The following ALOX5AP variants were observed in gnomAD, a reference collection of about 807,000 sequenced individuals.
ALOX5AP encodes arachidonate 5-lipoxygenase activating protein, also known as arachidonate 5-lipoxygenase-activating protein.
Under a neutral mutation model 18.5 loss-of-function variants are expected in ALOX5AP, and 9 were observed. The ratio of observed to expected loss-of-function variants is 0.49; its 90% CI spans 0.29 to 0.85. The LOEUF (loss-of-function observed/expected upper bound fraction) is 0.85, where lower values mean the gene tolerates loss of function less well. ALOX5AP is among the 40% of genes least tolerant of loss of function. ALOX5AP has a pLI of 0.08. For missense variants in ALOX5AP, 172 were observed against 202.5 expected (o/e 0.85, Z 0.91); for synonymous variants, 81 against 78.6 (o/e 1.03, Z -0.16).
chr13:30,731,253 G>A (rs1377377995), upstream of ALOX5AP, among the ~76,000 whole-genome samples: 1 of 152,160 alleles, frequency 6.6e-6, no homozygotes, highest in Non-Finnish European at 1.5e-5. Flanking sequence ...GGGAGCCCAG[G>A]TTCTGAAGAC....
At chr13:30,754,933 G>A (rs1177854617) in intron 3 of ALOX5AP, among the ~76,000 whole-genome samples, 5 of 152,330 alleles carry the variant, frequency 3.3e-5, no homozygotes, top group South Asian at 4.1e-4. Flanking sequence ...GGAGCACTGC[G>A]GCAGGTGAAA....
At chr13:30,719,930 C>T (rs984134188) in intron 1 of ALOX5AP, among the ~76,000 whole-genome samples, 5 of 151,598 alleles carry the variant, frequency 3.3e-5, no homozygotes, top group African/African-American at 1.2e-4. Flanking sequence ...GGCGTGATCT[C>T]GGCTCACTGC....
chr13:30,732,349 T>C (rs1951688309), upstream of ALOX5AP, among the ~76,000 whole-genome samples: 1 of 152,138 alleles, frequency 6.6e-6, no homozygotes, highest in African/African-American at 2.4e-5. Context: ...TCCCCGTGGG[T>C]GCTGTTTTCA....
At chr13:30,751,934 T>G in intron 2 of ALOX5AP, 118 bp from the exon 3 acceptor site, 1 of 980,932 alleles carries the variant, frequency 1.0e-6, no homozygotes. Flanking sequence ...GAATTACGAA[T>G]GGGATTTATG....
At chr13:30,749,456 A>G (rs1318475279) in intron 2 of ALOX5AP, among the ~76,000 whole-genome samples, 1 of 152,214 alleles carries the variant, frequency 6.6e-6, no homozygotes, top group Non-Finnish European at 1.5e-5. Flanking sequence ...TTTTTTCTCT[A>G]AGTTTCTTGA....
Position 30,764,106 on chromosome 13 carries a change from ACTCT to A in ALOX5AP, c.*3_*6del. 1 of 1,613,202 alleles carries A rather than the reference ACTCT, an allele frequency of 6.2e-7. No individual in the cohort carries two copies. Among genetic ancestry groups the A allele is most frequent in the Non-Finnish European group, 8.5e-7 (1 of 1,179,640 alleles). On this transcript the variant is annotated 3_prime_UTR_variant, in exon 5 of 5. Coordinates refer to ENST00000380490, the MANE Select transcript of ALOX5AP (RefSeq NM_001629.4). Reference sequence around the variant, plus strand: ...TCTCCCCTCTACTTCTCATTCCCTAACTCTCTGCTGAATATGGGGTTGGTGTTCT... The same window carrying A: ...TCTCCCCTCTACTTCTCATTCCCTAACTGCTGAATATGGGGTTGGTGTTCT...
chr13:30,747,861 G>A (rs750177086), intron 2 of ALOX5AP, among the ~76,000 whole-genome samples: 15 of 152,058 alleles, frequency 9.9e-5, no homozygotes, highest in East Asian at 1.9e-4. Flanking sequence ...CCCTCATGTC[G>A]CTTCTCCCTG....
At chr13:30,734,550 T>C (rs1449074834), upstream of ALOX5AP, among the ~76,000 whole-genome samples, 3 of 152,208 alleles carry the variant, frequency 2.0e-5, no homozygotes, top group Non-Finnish European at 4.4e-5. Flanking sequence ...CACACTGATC[T>C]GAGCTGCAGA....
intron 3 of ALOX5AP, among the ~76,000 whole-genome samples, chr13:30,754,691 G>A (rs886627355): frequency 3.9e-5 from 6 of 152,192 alleles, no homozygotes; most frequent in African/African-American, 7.2e-5. Flanking sequence ...CAAATTCCAC[G>A]CCTTCACTGG....
At chr13:30,723,424 C>T (rs1462239983) in intron 1 of ALOX5AP, among the ~76,000 whole-genome samples, 1 of 152,164 alleles carries the variant, frequency 6.6e-6, no homozygotes, top group Non-Finnish European at 1.5e-5. Context: ...ACCTTAGAGT[C>T]ACAGATGAAT....
At chr13:30,722,150 C>T (rs990232237) in intron 1 of ALOX5AP, among the ~76,000 whole-genome samples, 9 of 152,218 alleles carry the variant, frequency 5.9e-5, no homozygotes, top group African/African-American at 1.7e-4. Flanking sequence ...CAAGAAAGCT[C>T]GTTGAAGACA....
chr13:30,749,365 T>A (rs1253986377), intron 2 of ALOX5AP, among the ~76,000 whole-genome samples: 1 of 152,174 alleles, frequency 6.6e-6, no homozygotes, highest in African/African-American at 2.4e-5. Context: ...TCTTTGGTAC[T>A]AATAAGTTTT....
chr13:30,754,249 TCA>T (rs1324203711), intron 3 of ALOX5AP, among the ~76,000 whole-genome samples: 6 of 67,054 alleles, frequency 8.9e-5, no homozygotes, highest in Non-Finnish European at 1.4e-4. Flanking sequence ...CAAAAAGAGT[TCA>T]CAGTTTCTCT....
chr13:30,723,646 G>T (rs1354226779), intron 1 of ALOX5AP, among the ~76,000 whole-genome samples: 1 of 151,906 alleles, frequency 6.6e-6, no homozygotes, highest in Non-Finnish European at 1.5e-5. Flanking sequence ...TCCATAGTTT[G>T]GTTAATATAA....
chr13:30,724,307 A>T (rs1485930508), intron 1 of ALOX5AP, among the ~76,000 whole-genome samples: 1 of 152,226 alleles, frequency 6.6e-6, no homozygotes, highest in Non-Finnish European at 1.5e-5. Flanking sequence ...CCATTATAAG[A>T]ATATACCACA....
At chr13:30,749,427 C>T (rs150080410) in intron 2 of ALOX5AP, among the ~76,000 whole-genome samples, 27 of 152,168 alleles carry the variant, frequency 1.8e-4, no homozygotes, top group East Asian at 1.2e-3. Flanking sequence ...GAATGTTATT[C>T]GAATAACCAA....
intron 1 of ALOX5AP, among the ~76,000 whole-genome samples, chr13:30,729,818 T>C (rs1188416098): frequency 6.6e-6 from 1 of 152,194 alleles, no homozygotes; most frequent in African/African-American, 2.4e-5. Flanking sequence ...TCAGGTGATC[T>C]GCCTGCCTCG....
Position 30,764,202 on chromosome 13 carries a change from G to A in ALOX5AP, c.*96G>A. ...AGAGCATTCTGCTCTTCTTTAGATG[G>A]CTGTAAATCTATTGGCCATCTGGGC... is the stretch of plus-strand genomic sequence containing the variant. On this transcript the variant is annotated 3_prime_UTR_variant, in exon 5 of 5. Transcript: ENST00000380490. The A allele has an allele frequency of 7.4e-7, 1 of 1,352,764 alleles. No individual in the cohort carries two copies. The allele number at this position is 1,352,764 out of a possible 1,614,324, so 83.8% of individuals were successfully genotyped here. A position where few individuals can be genotyped will look rare whatever the true frequency, so the allele number is the denominator to read the frequency against.
intron 2 of ALOX5AP, among the ~76,000 whole-genome samples, chr13:30,750,009 C>A (rs1326047355): frequency 1.3e-5 from 2 of 152,042 alleles, no homozygotes; most frequent in East Asian, 3.9e-4. Flanking sequence ...TCACATGAAA[C>A]CCGTGGTTCT....
Sources: gnomAD v4.1 joint callset for allele counts (sites outside exome capture counted in the v4.1 genomes callset) on GRCh38, gnomAD v4.1.1 for gene constraint, MANE v1.5 for transcripts, NCBI Gene and HGNC (gene_info 2026-07-23, HGNC 2026-07-21) for gene names.